Variants in ZNF383 observed in about 807,000 individuals in gnomAD.
The protein encoded by ZNF383 is zinc finger protein 383.
ZNF383 carries 32 observed loss-of-function variants against 44.2 expected under a neutral mutation model. The observed-to-expected ratio is 0.72, with a 90% CI of 0.55 to 0.97. The LOEUF (loss-of-function observed/expected upper bound fraction) is 0.97, where lower values mean the gene tolerates loss of function less well. ZNF383 is among the 50% of genes least tolerant of loss of function. The pLI is 0.00. For missense variants in ZNF383, 487 were observed against 562.5 expected (o/e 0.87, Z 1.36); for synonymous variants, 155 against 186.2 (o/e 0.83, Z 1.36).
At chr19:37,227,110 CTT>C (rs35250551) in intron 2 of ZNF383, among the ~76,000 whole-genome samples, 5 of 92,040 alleles carry the variant, frequency 5.4e-5, no homozygotes, top group Non-Finnish European at 9.9e-5. Flanking sequence ...CCCAGCCAGG[CTT>C]TTTTTTTTTT....
rs761176326 is a variant in ZNF383, at chr19:37,243,461, C to T, written c.1225C>T (p.Leu409Phe). 9 of 1,613,910 alleles carry T rather than the reference C, an allele frequency of 5.6e-6. No individual in the cohort carries two copies. Among genetic ancestry groups the T allele is most frequent in the Non-Finnish European group, 7.6e-6 (9 of 1,179,906 alleles). The change falls in exon 6 of 6, where the codon CTT (leucine) becomes TTT (phenylalanine). Residue 409 changes from leucine (L) to phenylalanine (F), a missense_variant. Coordinates refer to ENST00000684119, the MANE Select transcript of ZNF383 (RefSeq NM_001387601.1). The part of the protein sequence containing the change: ...CGKAFTQNSQ[L>F]FQHQRIHTDE... ...GAAGGCCTTTACTCAGAACTCACAA[C>T]TTTTCCAGCATCAGAGAATTCATAC...
intron 2 of ZNF383, 59 bp from the exon 3 acceptor site, chr19:37,230,350 G>A: frequency 3.3e-6 from 4 of 1,230,400 alleles, no homozygotes; most frequent in Non-Finnish European, 4.7e-6. Context: ...CCTCTAGTGT[G>A]ATTTCTAGAG....
intron 5 of ZNF383, among the ~76,000 whole-genome samples, chr19:37,236,853 C>G (rs1400205024): frequency 2.0e-5 from 3 of 152,008 alleles, no homozygotes; most frequent in South Asian, 4.1e-4. Context: ...CAGGCATGAG[C>G]CACCGCGTCC....
chr19:37,228,778 T>G (rs1164660699), intron 2 of ZNF383, among the ~76,000 whole-genome samples: 3 of 152,056 alleles, frequency 2.0e-5, no homozygotes, highest in African/African-American at 7.2e-5. Context: ...CTTGGGTAGA[T>G]GGAAACAAGC....
intron 3 of ZNF383, among the ~76,000 whole-genome samples, chr19:37,233,886 C>T (rs986399871): frequency 1.1e-4 from 16 of 151,252 alleles, no homozygotes; most frequent in African/African-American, 2.7e-4. Context: ...TTTTTCGAGA[C>T]GGAGTTTCGC....
intron 2 of ZNF383, among the ~76,000 whole-genome samples, chr19:37,227,284 T>C (rs188067393): frequency 8.6e-5 from 13 of 151,942 alleles, no homozygotes; most frequent in Non-Finnish European, 1.8e-4. Flanking sequence ...CCGGCTAATT[T>C]TGTATTTTTA....
At position 37,243,828 on chromosome 19, in the gene ZNF383, C is replaced by CT. The variant is rs1974260225; in HGVS notation, c.*165dup. ...CGGAGTCTAAAGTGACATTCCCTCT[C>CT]TCCCCCAGTCATATACCGATGCCAG... is the stretch of plus-strand genomic sequence containing the variant. On this transcript the variant is annotated 3_prime_UTR_variant, in exon 6 of 6. Coordinates refer to ENST00000684119, the MANE Select transcript of ZNF383 (RefSeq NM_001387601.1). 3 of 519,046 alleles carry CT rather than the reference C, an allele frequency of 5.8e-6. No individual in the cohort carries two copies. The highest frequency in any genetic ancestry group is 1.0e-5 in the Non-Finnish European group (3 of 300,940). 32.2% of individuals were successfully genotyped at this position (519,046 alleles called of 1,614,324 possible).
intron 2 of ZNF383, among the ~76,000 whole-genome samples, chr19:37,226,048 A>G (rs1328652072): frequency 6.7e-6 from 1 of 149,942 alleles, no homozygotes; most frequent in Non-Finnish European, 1.5e-5. Context: ...AAATATTTTT[A>G]ACTTCCATTG....
At chr19:37,242,405 A>C (rs1568532459) in intron 5 of ZNF383, 64 bp from the exon 6 acceptor site, 1 of 1,098,076 alleles carries the variant, frequency 9.1e-7, no homozygotes, top group Non-Finnish European at 1.3e-6. Flanking sequence ...TTCCATTTCT[A>C]TTATAAAAGT....
chr19:37,229,442 G>C (rs2145495346), intron 2 of ZNF383, among the ~76,000 whole-genome samples: 1 of 147,228 alleles, frequency 6.8e-6, no homozygotes, highest in East Asian at 2.0e-4. Context: ...TACAGGCTGT[G>C]AGCCACTGCA....
rs145163252 is a variant in ZNF383 at position 37,236,092 on chromosome 19, G to A, written c.232+18G>A. ...GTGTTCAGGTAAGTGAGAAATGACC[G>A]GACAGGAGAAAGTCACGATAGGTCA... On this transcript the variant is annotated intron_variant, in intron 5 of 5. Coordinates refer to ENST00000684119, the MANE Select transcript of ZNF383 (RefSeq NM_001387601.1). 39 of 1,601,522 alleles carry A rather than the reference G, an allele frequency of 2.4e-5. No homozygotes were observed. Among genetic ancestry groups the A allele is most frequent in the Admixed American group, 8.5e-5 (5 of 58,986 alleles).
chr19:37,238,257 A>C (rs903820773), intron 5 of ZNF383, among the ~76,000 whole-genome samples: 4 of 151,992 alleles, frequency 2.6e-5, no homozygotes, highest in African/African-American at 9.7e-5. Flanking sequence ...TCAAGTATAT[A>C]TGTATAAAAC....
Position 37,224,925 on chromosome 19 carries a change from T to G in ZNF383, c.-60T>G, listed in dbSNP as rs1973088567. Reference sequence around the variant, plus strand: ...GATTCTCTTGCCTCAGCCTCCTGAGTAGCTGGGATTACAGGTGGGTGCCAC... The same window carrying G: ...GATTCTCTTGCCTCAGCCTCCTGAGGAGCTGGGATTACAGGTGGGTGCCAC... On this transcript the variant is annotated 5_prime_UTR_variant, in exon 2 of 6. Coordinates refer to ENST00000684119, the MANE Select transcript of ZNF383 (RefSeq NM_001387601.1). 6.6e-6 allele frequency: 1 copy of G among 152,478 alleles called. No individual in the cohort carries two copies. Among genetic ancestry groups the G allele is most frequent in the South Asian group, 2.1e-4 (1 of 4,826 alleles). 9.4% of individuals were successfully genotyped at this position (152,478 alleles called of 1,614,324 possible).
intron 3 of ZNF383, among the ~76,000 whole-genome samples, chr19:37,233,022 A>G (rs76353151): frequency 0.035 from 5,305 of 152,144 alleles, 142 homozygotes; most frequent in Non-Finnish European, 0.052. Context: ...CACAATGGAA[A>G]GTTTCCTTGG....
intron 5 of ZNF383, among the ~76,000 whole-genome samples, chr19:37,239,509 G>A (rs890347788): frequency 6.6e-6 from 1 of 152,148 alleles, no homozygotes; most frequent in Non-Finnish European, 1.5e-5. Flanking sequence ...CCCTGTGAAG[G>A]TTCTGATGGG....
At chr19:37,218,554 G>T (rs1181299880) in intron 1 of ZNF383, among the ~76,000 whole-genome samples, 1 of 152,184 alleles carries the variant, frequency 6.6e-6, no homozygotes, top group African/African-American at 2.4e-5. Context: ...GTGATTGTGT[G>T]TGGCTGTGTA....
At chr19:37,220,558 T>A (rs1178897391) in intron 1 of ZNF383, among the ~76,000 whole-genome samples, 1 of 122,500 alleles carries the variant, frequency 8.2e-6, no homozygotes, top group Non-Finnish European at 1.6e-5. Flanking sequence ...GGCCTATATT[T>A]GTTTTTTTTT....
intron 1 of ZNF383, among the ~76,000 whole-genome samples, chr19:37,220,438 T>C (rs572673152): frequency 6.6e-6 from 1 of 152,246 alleles, no homozygotes; most frequent in Admixed American, 6.5e-5. Context: ...CTAATTTTTA[T>C]ATTTTTGTAG....
chr19:37,241,954 TA>T (rs1294956989), intron 5 of ZNF383, among the ~76,000 whole-genome samples: 1 of 144,806 alleles, frequency 6.9e-6, no homozygotes, highest in African/African-American at 2.5e-5. Flanking sequence ...TATATCTATA[TA>T]AGTATATATA....
Sources: gnomAD v4.1 joint callset for allele counts (sites outside exome capture counted in the v4.1 genomes callset) on GRCh38, gnomAD v4.1.1 for gene constraint, MANE v1.5 for transcripts, NCBI Gene and HGNC (gene_info 2026-07-23, HGNC 2026-07-21) for gene names.